KCNA6: variants seen among roughly 807,000 people sequenced by gnomAD.
The protein encoded by KCNA6 is human brain potassium channel-2.
A neutral mutation model predicts 29.5 loss-of-function variants in KCNA6; 17 were observed. The observed-to-expected ratio is 0.58, with a 90% CI of 0.39 to 0.86. The LOEUF (loss-of-function observed/expected upper bound fraction) is 0.86, where lower values mean the gene tolerates loss of function less well. Among genes scored for constraint, KCNA6 ranks in the 40% least tolerant of loss-of-function variants. The probability of loss-of-function intolerance (pLI) is 0.00; values close to 1 mark genes in which losing one functional copy is unlikely to be tolerated. For missense variants in KCNA6, 450 were observed against 703.4 expected, an observed-to-expected ratio of 0.64 and a Z score of 4.07; for synonymous variants, 296 against 304.7, an observed-to-expected ratio of 0.97 and a Z score of 0.30.
At position 4,810,933 on chromosome 12, in the gene KCNA6, A is replaced by G. The variant is rs772006468; in HGVS notation, c.892A>G (p.Ile298Val). ...GGCCTTCTTCCGGAACATCATGAAC[A>G]TCATTGACTTGGTGGCTATCTTCCC... Residue 298 changes from isoleucine to valine, a missense_variant, in exon 1 of 1, where the codon ATC becomes GTC. Transcript: ENST00000280684. The surrounding 1 kb of genome is among the most constrained non-coding windows in gnomAD (Gnocchi z 7.5). 15 of 1,614,062 alleles carry G rather than the reference A, an allele frequency of 9.3e-6. No homozygotes were observed. Among genetic ancestry groups the G allele is most frequent in the Non-Finnish European group, 1.2e-5 (14 of 1,180,030 alleles).
chr12:4,822,922 C>A, the KCNA6 span, among the ~76,000 whole-genome samples: 1 of 152,236 alleles, frequency 6.6e-6, no homozygotes, highest in South Asian at 2.1e-4. Flanking sequence ...AATCTTCTGT[C>A]TTTGAAGCTT....
At chr12:4,835,934 G>GTTTTTTTTTTTTTTTTTTTTTTTTTTTTT in the KCNA6 span, among the ~76,000 whole-genome samples, 2 of 137,202 alleles carry the variant, frequency 1.5e-5, no homozygotes, top group Non-Finnish European at 3.1e-5. Context: ...AAAAGTCGCT[G>GTTTTTTTTTTTTTTTTTTTTTTTTTTTTT]TTTTTTTTTT....
the KCNA6 span, among the ~76,000 whole-genome samples, chr12:4,844,100 G>A: frequency 7.4e-4 from 113 of 152,228 alleles, no homozygotes; most frequent in African/African-American, 2.6e-3. This position sits in a 1 kb window ranked among gnomAD's most constrained non-coding sequence, Gnocchi z 4.0. Flanking sequence ...AAATGCAGAC[G>A]TTGCTATTTC....
the KCNA6 span, among the ~76,000 whole-genome samples, chr12:4,848,280 A>C: frequency 6.6e-6 from 1 of 152,048 alleles, no homozygotes; most frequent in African/African-American, 2.4e-5. Context: ...CTGAGCCTTT[A>C]TAGGTTCCTG....
Position 4,811,299 on chromosome 12 carries a change from A to C in KCNA6, c.1258A>C (p.Met420Leu). Residue 420 changes from methionine to leucine, a missense_variant, in exon 1 of 1, where the codon ATG (methionine) becomes CTG (leucine). Met to Leu is a conservative substitution (Grantham distance 15). Around this residue, in one of 7 missense-constraint regions of KCNA6, gnomAD observed 57 missense variants for 140.3 expected, o/e 0.41. Coordinates refer to ENST00000280684, the Ensembl canonical transcript of KCNA6. The surrounding 1 kb of genome is among the most constrained non-coding windows in gnomAD (Gnocchi z 7.1). ...TGCCTTCTGGTGGGCAGTGGTTACAATGACCACGGTAGGTTACGGGGACAT... is the reference window on the plus strand; with the variant it reads ...TGCCTTCTGGTGGGCAGTGGTTACACTGACCACGGTAGGTTACGGGGACAT... The C allele has an allele frequency of 6.2e-7, 1 of 1,614,192 alleles. No homozygotes were observed. Among genetic ancestry groups the C allele is most frequent in the Non-Finnish European group, 8.5e-7 (1 of 1,180,028 alleles).
the KCNA6 span, among the ~76,000 whole-genome samples, chr12:4,826,620 G>A: frequency 2.0e-5 from 3 of 152,322 alleles, no homozygotes; most frequent in Admixed American, 1.3e-4. Flanking sequence ...CATTAGTATT[G>A]TTCTCCCACC....
At chr12:4,840,556 G>A in the KCNA6 span, among the ~76,000 whole-genome samples, 105 of 152,288 alleles carry the variant, frequency 6.9e-4, 1 homozygote, top group Non-Finnish European at 1.2e-3. Flanking sequence ...ACAAATCTGC[G>A]GGAAGTAGAA....
chr12:4,835,230 G>GTACACACCATTCTCCTGCC, the KCNA6 span, among the ~76,000 whole-genome samples: 20,266 of 150,652 alleles, frequency 0.13, 1,801 homozygotes, highest in African/African-American at 0.24. Context: ...TGCCTCCCGG[G>GTACACACCATTCTCCTGCC]TTCACACCAT....
rs1281909997 is a variant in KCNA6 at position 4,811,953 on chromosome 12, T to C, written c.*322T>C. ...GATTTTTCATGTCTGGGACTTACAA[T>C]ATCTCAAGGAACAGCAATGTCAACA... On this transcript the variant is annotated 3_prime_UTR_variant, in exon 1 of 1. Transcript: ENST00000280684. The surrounding 1 kb of genome is among the most constrained non-coding windows in gnomAD (Gnocchi z 7.1). 2 of 295,510 alleles carry C rather than the reference T, an allele frequency of 6.8e-6. No individual in the cohort carries two copies. Among genetic ancestry groups the C allele is most frequent in the Admixed American group, 9.5e-5 (2 of 20,944 alleles). 18.3% of individuals were successfully genotyped at this position (295,510 alleles called of 1,614,324 possible).
the KCNA6 span, among the ~76,000 whole-genome samples, chr12:4,819,835 G>A: frequency 0.07 from 10,726 of 152,254 alleles, 564 homozygotes; most frequent in Non-Finnish European, 0.098. Context: ...ACCTCACCGA[G>A]CTTCAGTTTC....
At chr12:4,831,843 C>T in the KCNA6 span, among the ~76,000 whole-genome samples, 1 of 152,118 alleles carries the variant, frequency 6.6e-6, no homozygotes, top group African/African-American at 2.4e-5. Flanking sequence ...CTGATCTGGG[C>T]TCAAACCCTG....
chr12:4,810,302 C>G lies in KCNA6; in HGVS notation c.261C>G (p.Asp87Glu). Reference sequence around the variant, plus strand: ...CCCTGAGGAACGAGTACTTCTTCGACCGCAACCGGCCCAGCTTCGACGCCA... The same window carrying G: ...CCCTGAGGAACGAGTACTTCTTCGAGCGCAACCGGCCCAGCTTCGACGCCA... Residue 87 changes from aspartate (D) to glutamate (E), a missense_variant, in exon 1 of 1, where the codon GAC becomes GAG. Coordinates refer to ENST00000280684, the Ensembl canonical transcript of KCNA6. This position sits in a 1 kb window ranked among gnomAD's most constrained non-coding sequence, Gnocchi z 7.5. 6.2e-7 allele frequency: 1 copy of G among 1,614,106 alleles called. No homozygotes were observed. Among genetic ancestry groups the G allele is most frequent in the Non-Finnish European group, 8.5e-7 (1 of 1,180,028 alleles).
the KCNA6 span, among the ~76,000 whole-genome samples, chr12:4,841,008 T>C: frequency 6.6e-6 from 1 of 152,204 alleles, no homozygotes; most frequent in Non-Finnish European, 1.5e-5. Flanking sequence ...ATTTGGTTGA[T>C]CATATAGTCC....
In KCNA6 at chr12:4,810,136, G is replaced by A. The variant is rs1395585510; in HGVS notation, c.95G>A (p.Gly32Asp). The A allele has an allele frequency of 2.5e-6, 4 of 1,600,038 alleles. No homozygotes were observed. Among genetic ancestry groups the A allele is most frequent in the East Asian group, 2.2e-5 (1 of 44,712 alleles). The stretch of plus-strand genomic sequence containing the variant: ...GATGCGGGAGACTTCCCGGAGGCCG[G>A]CGGGGGCGGGGGCTGCTGTAGTAGC... The change falls in exon 1 of 1, where the codon GGC (glycine) becomes GAC (aspartate). Residue 32 changes from glycine (G) to aspartate (D), a missense_variant. Physicochemically the swap from Gly to Asp is moderately conservative, Grantham distance 94 (BLOSUM62 -1). Coordinates refer to ENST00000280684, the Ensembl canonical transcript of KCNA6. This position sits in a 1 kb window ranked among gnomAD's most constrained non-coding sequence, Gnocchi z 7.5.
rs1237858674 is a variant in KCNA6 at position 4,811,583 on chromosome 12, T to C, written c.1542T>C (p.Pro514=). The change falls in exon 1 of 1, where the codon CCT becomes CCC. Residue 514 remains proline (P), a synonymous_variant. Coordinates refer to ENST00000280684, the Ensembl canonical transcript of KCNA6. This position sits in a 1 kb window ranked among gnomAD's most constrained non-coding sequence, Gnocchi z 7.1. ...GGGAACGGAGACCCAGCTACCTTCC[T>C]ACACCACATCGGGCCTATGCAGAGA... is the stretch of plus-strand genomic sequence containing the variant. The C allele has an allele frequency of 6.2e-7, 1 of 1,614,206 alleles. No individual in the cohort carries two copies. Among genetic ancestry groups the C allele is most frequent in the African/African-American group, 1.3e-5 (1 of 75,062 alleles).
the KCNA6 span, among the ~76,000 whole-genome samples, chr12:4,823,690 C>G: frequency 2.0e-5 from 3 of 152,244 alleles, no homozygotes; most frequent in African/African-American, 7.2e-5. Flanking sequence ...TTGCTTGCAC[C>G]AGGGAGGTGG....
the KCNA6 span, chr12:4,839,091 A>T: frequency 6.6e-6 from 1 of 152,250 alleles, no homozygotes; most frequent in South Asian, 2.1e-4. Flanking sequence ...AACTCTGCTT[A>T]TGCATAGAAT....
chr12:4,849,782 T>G, the KCNA6 span, among the ~76,000 whole-genome samples: 1 of 152,254 alleles, frequency 6.6e-6, no homozygotes, highest in South Asian at 2.1e-4. Flanking sequence ...ACAATCATGA[T>G]ACCAACTGGA....
the KCNA6 span, among the ~76,000 whole-genome samples, chr12:4,824,585 C>T: frequency 6.6e-6 from 1 of 152,246 alleles, no homozygotes; most frequent in South Asian, 2.1e-4. Context: ...TGAGAATCCC[C>T]GAGATCAGCG....
Sources: allele counts gnomAD v4.1 joint callset (sites outside exome capture counted in the v4.1 genomes callset), GRCh38; gene constraint gnomAD v4.1.1; regional missense constraint gnomAD v4.1.1; non-coding constraint Gnocchi (gnomAD v3.1); transcripts MANE v1.5; gene names NCBI Gene and HGNC (gene_info 2026-07-23, HGNC 2026-07-21).